The following MRPL1 variants were observed in gnomAD, a reference collection of about 807,000 sequenced individuals.
MRPL1 encodes the protein mitochondrial ribosomal protein L1.
A neutral mutation model predicts 38.0 loss-of-function variants in MRPL1; 28 were observed. The observed-to-expected ratio is 0.74, with a 90% confidence interval of 0.55 to 1.01. The LOEUF (loss-of-function observed/expected upper bound fraction) is 1.01. Ranked by LOEUF, MRPL1 falls within the 50% of genes least tolerant of loss-of-function variation. The pLI, the probability that MRPL1 is intolerant of heterozygous loss-of-function variation, is 0.00. For missense variants in MRPL1, 358 were observed against 389.8 expected (o/e 0.92, Z 0.69); for synonymous variants, 123 against 126.7 (o/e 0.97, Z 0.20).
intron 7 of MRPL1, among the ~76,000 whole-genome samples, chr4:77,946,749 C>A (rs1282681021): frequency 6.6e-6 from 1 of 152,162 alleles, no homozygotes; most frequent in East Asian, 1.9e-4. Context: ...GACAGACTAA[C>A]CTCTGTAGTA....
intron 1 of MRPL1, among the ~76,000 whole-genome samples, chr4:77,865,008 G>A (rs2110225450): frequency 6.6e-6 from 1 of 151,112 alleles, no homozygotes; most frequent in East Asian, 2.0e-4. Context: ...TTGTGCCTCA[G>A]CCTCCCAAGT....
intron 6 of MRPL1, among the ~76,000 whole-genome samples, chr4:77,904,254 A>T (rs1385966844): frequency 6.6e-6 from 1 of 152,020 alleles, no homozygotes; most frequent in African/African-American, 2.4e-5. Flanking sequence ...TAAAAAAAAA[A>T]AAAAGGAGAA....
chr4:77,944,934 A>G (rs958696955), intron 7 of MRPL1, among the ~76,000 whole-genome samples: 3 of 152,062 alleles, frequency 2.0e-5, no homozygotes, highest in African/African-American at 4.8e-5. Context: ...ACACGTAGCT[A>G]CTTGGCCACT....
chr4:77,899,683 G>T (rs973706931), intron 6 of MRPL1, among the ~76,000 whole-genome samples: 1 of 152,078 alleles, frequency 6.6e-6, no homozygotes, highest in Non-Finnish European at 1.5e-5. Flanking sequence ...AAAGAAAAGA[G>T]AAGGTATTTT....
chr4:77,911,317 G>A (rs1560468021), intron 7 of MRPL1, among the ~76,000 whole-genome samples: 1 of 151,970 alleles, frequency 6.6e-6, no homozygotes, highest in Non-Finnish European at 1.5e-5. Context: ...TCCTGACTCA[G>A]AATATAAGAA....
At chr4:77,881,924 A>G (rs1222783297) in intron 2 of MRPL1, among the ~76,000 whole-genome samples, 2 of 152,182 alleles carry the variant, frequency 1.3e-5, no homozygotes, top group African/African-American at 2.4e-5. Context: ...TGCCTAAAAT[A>G]CAGATGTTAC....
Position 77,887,286 on chromosome 4 carries a change from C to G in MRPL1, c.553C>G (p.Gln185Glu). 2 of 1,612,166 alleles carry G rather than the reference C, an allele frequency of 1.2e-6. No individual in the cohort carries two copies. Among genetic ancestry groups the G allele is most frequent in the Non-Finnish European group, 1.7e-6 (2 of 1,178,240 alleles). The change falls in exon 5 of 9, where the codon CAG (glutamine) becomes GAG (glutamate). Residue 185 changes from glutamine (Q) to glutamate (E), a missense_variant. Transcript: ENST00000315567. Reference protein sequence around the residue: ...AAFAGGTSLIQKIWDDEIVAD... With the variant: ...AAFAGGTSLIEKIWDDEIVAD... ...ATTTGCAGGAGGCACTAGTCTGATA[C>G]AGAAGGTACAGTGTTGTTTTCATGT... is the stretch of plus-strand genomic sequence containing the variant.
At chr4:77,952,342 G>A (rs993908612) in intron 8 of MRPL1, 147 bp from the exon 9 acceptor site, 1 of 655,994 alleles carries the variant, frequency 1.5e-6, no homozygotes, top group Middle Eastern at 2.5e-4. Context: ...TTAGCCTACG[G>A]TACAATTGGT....
At chr4:77,894,781 TA>T (rs978758221) in intron 6 of MRPL1, among the ~76,000 whole-genome samples, 2 of 152,118 alleles carry the variant, frequency 1.3e-5, no homozygotes, top group Non-Finnish European at 2.9e-5. Flanking sequence ...AAAAAAGTGC[TA>T]GGGGTGTTCA....
Position 77,883,510 on chromosome 4 carries a change from G to A in MRPL1, c.402+10G>A. 1 of 1,577,882 alleles carries A rather than the reference G, an allele frequency of 6.3e-7. No individual in the cohort carries two copies. The highest frequency in any genetic ancestry group is 1.2e-5 in the South Asian group (1 of 83,926). ...GGCACTGGGAAAGAAGGTATGTAGA[G>A]TCCATTAAAATAAGTTTACCTGTGA... On this transcript the variant is annotated intron_variant, in intron 3 of 8. Transcript: ENST00000315567.
chr4:77,884,007 G>A (rs945342072), intron 3 of MRPL1, among the ~76,000 whole-genome samples: 1 of 152,112 alleles, frequency 6.6e-6, no homozygotes, highest in Non-Finnish European at 1.5e-5. Context: ...AAACACTCTA[G>A]AGAGTTAACA....
intron 7 of MRPL1, among the ~76,000 whole-genome samples, chr4:77,925,522 T>G (rs569589315): frequency 6.6e-6 from 1 of 152,016 alleles, no homozygotes; most frequent in Non-Finnish European, 1.5e-5. Context: ...CTTTTCTTTT[T>G]AAGAACAGTT....
At chr4:77,867,282 TTGAATGAA>T (rs1205810566) in intron 1 of MRPL1, among the ~76,000 whole-genome samples, 1 of 152,238 alleles carries the variant, frequency 6.6e-6, no homozygotes, top group Non-Finnish European at 1.5e-5. Flanking sequence ...GGCGTATTTG[TTGAATGAA>T]TGAATGAATA....
At chr4:77,895,090 T>C (rs1735882839) in intron 6 of MRPL1, among the ~76,000 whole-genome samples, 1 of 152,116 alleles carries the variant, frequency 6.6e-6, no homozygotes, top group African/African-American at 2.4e-5. Context: ...GAACTTTGAA[T>C]GATGGGCTAA....
chr4:77,863,858 C>G (rs1438124478), intron 1 of MRPL1, among the ~76,000 whole-genome samples: 1 of 152,046 alleles, frequency 6.6e-6, no homozygotes, highest in Non-Finnish European at 1.5e-5. Context: ...AAGCAGTAGC[C>G]AGCATTACCC....
intron 7 of MRPL1, among the ~76,000 whole-genome samples, chr4:77,933,116 T>A (rs1411201989): frequency 6.6e-6 from 1 of 152,080 alleles, no homozygotes; most frequent in East Asian, 1.9e-4. Context: ...GGCTAATTTT[T>A]AATTTTCTTT....
intron 7 of MRPL1, among the ~76,000 whole-genome samples, chr4:77,947,074 T>C (rs531542711): frequency 4.5e-4 from 68 of 151,194 alleles, no homozygotes; most frequent in Non-Finnish European, 9.0e-4. Context: ...AAGAAAGTTA[T>C]TGAATAAAAA....
chr4:77,887,193 G>C, intron 4 of MRPL1, 27 bp from the exon 5 acceptor site: 1 of 1,556,812 alleles, frequency 6.4e-7, no homozygotes, highest in Non-Finnish European at 8.9e-7. Flanking sequence ...ATTAATGATT[G>C]ATTTTCAAAT....
At chr4:77,943,278 T>C (rs932435152) in intron 7 of MRPL1, among the ~76,000 whole-genome samples, 1 of 152,132 alleles carries the variant, frequency 6.6e-6, no homozygotes, top group Admixed American at 6.5e-5. Flanking sequence ...CCTTTTTAGG[T>C]TACCTGGTGC....
Sources: gnomAD v4.1 joint callset for allele counts (sites outside exome capture counted in the v4.1 genomes callset) on GRCh38, gnomAD v4.1.1 for gene constraint, MANE v1.5 for transcripts, NCBI Gene and HGNC (gene_info 2026-07-23, HGNC 2026-07-21) for gene names.